The following PPARGC1A variants were observed in gnomAD, a reference collection of about 807,000 sequenced individuals.
PPARGC1A encodes the protein PPARG coactivator 1 alpha, also known as peroxisome proliferator-activated receptor gamma coactivator 1-alpha.
A neutral mutation model predicts 88.7 loss-of-function variants in PPARGC1A; 25 were observed. The ratio of observed to expected loss-of-function variants is 0.28; its 90% CI spans 0.21 to 0.39. The LOEUF is 0.39. PPARGC1A is among the 10% of genes least tolerant of loss of function. The pLI, the probability that PPARGC1A is intolerant of heterozygous loss-of-function variation, is 1.00. For synonymous variants in PPARGC1A, 363 were observed against 355.6 expected (o/e 1.02, Z -0.24); for missense variants, 880 against 968.7 (o/e 0.91, Z 1.22).
At chr4:24,302,310 TA>T in the PPARGC1A span, among the ~76,000 whole-genome samples, 1 of 152,214 alleles carries the variant, frequency 6.6e-6, no homozygotes, top group Non-Finnish European at 1.5e-5. Context: ...TGGCATACTG[TA>T]TTTGCAGAGG....
chr4:23,999,313 A>G, the PPARGC1A span, among the ~76,000 whole-genome samples: 1 of 152,212 alleles, frequency 6.6e-6, no homozygotes, highest in Non-Finnish European at 1.5e-5. Context: ...CAAGGTGCTG[A>G]TTAATTAACT....
At chr4:24,041,268 T>C in the PPARGC1A span, among the ~76,000 whole-genome samples, 3 of 152,284 alleles carry the variant, frequency 2.0e-5, no homozygotes, top group South Asian at 6.2e-4. Context: ...GAAAATGAAG[T>C]GGGACGTTTT....
the PPARGC1A span, among the ~76,000 whole-genome samples, chr4:24,102,973 C>T: frequency 6.6e-6 from 1 of 152,152 alleles, no homozygotes; most frequent in Non-Finnish European, 1.5e-5. Flanking sequence ...CCATAGTAAA[C>T]ATATCAAACC....
the PPARGC1A span, among the ~76,000 whole-genome samples, chr4:23,917,564 C>G: frequency 2.0e-5 from 3 of 151,396 alleles, no homozygotes; most frequent in East Asian, 5.9e-4. Flanking sequence ...ACCTCGTGAT[C>G]TGCCTGCCTC....
chr4:23,847,738 C>T (rs1243670082), intron 2 of PPARGC1A, among the ~76,000 whole-genome samples: 1 of 152,108 alleles, frequency 6.6e-6, no homozygotes, highest in Non-Finnish European at 1.5e-5. Flanking sequence ...AGACAGTTGT[C>T]AAATAGCACT....
the PPARGC1A span, among the ~76,000 whole-genome samples, chr4:24,405,625 T>C: frequency 2.6e-5 from 4 of 152,124 alleles, no homozygotes; most frequent in African/African-American, 7.2e-5. Flanking sequence ...TCCCATTACA[T>C]CACGGCTGGG....
the PPARGC1A span, among the ~76,000 whole-genome samples, chr4:24,375,828 C>T: frequency 7.2e-5 from 11 of 152,076 alleles, no homozygotes; most frequent in East Asian, 9.7e-4. Context: ...ATAAAAGCAG[C>T]CCTATAAAGA....
chr4:24,372,246 C>T, the PPARGC1A span, among the ~76,000 whole-genome samples: 2 of 152,152 alleles, frequency 1.3e-5, no homozygotes, highest in African/African-American at 4.8e-5. Flanking sequence ...AACTTAAATG[C>T]CAAATAAGGG....
the PPARGC1A span, among the ~76,000 whole-genome samples, chr4:24,228,665 GA>G: frequency 1.3e-5 from 2 of 151,548 alleles, no homozygotes; most frequent in Non-Finnish European, 2.9e-5. Flanking sequence ...AGGAAAAAAA[GA>G]AAAAAAACCC....
chr4:24,099,987 G>C, the PPARGC1A span, among the ~76,000 whole-genome samples: 1 of 126,984 alleles, frequency 7.9e-6, no homozygotes, highest in African/African-American at 2.9e-5. Flanking sequence ...TGGGGGGAGG[G>C]GGGAGGGATA....
the PPARGC1A span, among the ~76,000 whole-genome samples, chr4:24,203,066 C>G: frequency 5.9e-5 from 9 of 152,164 alleles, no homozygotes; most frequent in Non-Finnish European, 1.3e-4. Flanking sequence ...GATCCATAAC[C>G]AGACAGGCAG....
At chr4:24,403,094 CAT>C in the PPARGC1A span, among the ~76,000 whole-genome samples, 1 of 152,228 alleles carries the variant, frequency 6.6e-6, no homozygotes, top group Non-Finnish European at 1.5e-5. Flanking sequence ...TTCAAGGTCA[CAT>C]AGTTAATGAG....
the PPARGC1A span, among the ~76,000 whole-genome samples, chr4:24,470,567 ACCT>A: frequency 1.3e-5 from 2 of 151,610 alleles, no homozygotes; most frequent in Non-Finnish European, 2.9e-5. This position sits in a 1 kb window ranked among gnomAD's most constrained non-coding sequence, Gnocchi z 5.8. Flanking sequence ...CGGCCCGACC[ACCT>A]CAGTAGCTCC....
chr4:24,282,570 A>AG, the PPARGC1A span, among the ~76,000 whole-genome samples: 35 of 152,344 alleles, frequency 2.3e-4, no homozygotes, highest in African/African-American at 8.4e-4. Flanking sequence ...TAATTCTGTA[A>AG]GGAACGTCTC....
chr4:24,031,812 G>A, the PPARGC1A span, among the ~76,000 whole-genome samples: 3 of 152,196 alleles, frequency 2.0e-5, no homozygotes, highest in Non-Finnish European at 2.9e-5. Flanking sequence ...CCCTCTGAGA[G>A]TCTCCAGTGG....
At chr4:24,178,367 T>C in the PPARGC1A span, among the ~76,000 whole-genome samples, 1 of 152,176 alleles carries the variant, frequency 6.6e-6, no homozygotes, top group South Asian at 2.1e-4. Context: ...CTAAATGGCA[T>C]ATGGCGATTG....
the PPARGC1A span, among the ~76,000 whole-genome samples, chr4:24,134,279 C>T: frequency 6.6e-6 from 1 of 152,212 alleles, no homozygotes; most frequent in South Asian, 2.1e-4. Context: ...TGAGACTTCC[C>T]TGCCCTCACG....
chr4:23,836,973 A>G (rs1438495916), intron 2 of PPARGC1A, among the ~76,000 whole-genome samples: 1 of 152,174 alleles, frequency 6.6e-6, no homozygotes, highest in Non-Finnish European at 1.5e-5. Context: ...AGACTTCTAA[A>G]TGCGAGCTAT....
chr4:24,173,131 T>C, the PPARGC1A span, among the ~76,000 whole-genome samples: 1 of 152,164 alleles, frequency 6.6e-6, no homozygotes. Context: ...GCATGCTCTC[T>C]GTCTTTTGAG....
Sources: gnomAD v4.1 joint callset for allele counts (sites outside exome capture counted in the v4.1 genomes callset) on GRCh38, gnomAD v4.1.1 for gene constraint, Gnocchi (gnomAD v3.1) non-coding constraint, MANE v1.5 for transcripts, NCBI Gene and HGNC (gene_info 2026-07-23, HGNC 2026-07-21) for gene names.